EYS: variants seen among roughly 807,000 people sequenced by gnomAD.
EYS encodes protein eyes shut homolog.
Under a neutral mutation model 282.1 loss-of-function variants are expected in EYS, and 250 were observed. The observed-to-expected ratio is 0.89, with a 90% CI of 0.80 to 0.98. The LOEUF (loss-of-function observed/expected upper bound fraction) is 0.98, where lower values mean the gene tolerates loss of function less well. Ranked by LOEUF, EYS falls within the 50% of genes least tolerant of loss-of-function variation. EYS has a pLI of 0.00. For missense variants in EYS, 4,016 were observed against 3,709.0 expected, an observed-to-expected ratio of 1.08 and a Z score of -2.15; for synonymous variants, 1,355 against 1,282.9, an observed-to-expected ratio of 1.06 and a Z score of -1.20.
At chr6:63,953,177 TG>T (rs1234080232) in intron 35 of EYS, among the ~76,000 whole-genome samples, 1 of 152,198 alleles carries the variant, frequency 6.6e-6, no homozygotes, top group African/African-American at 2.4e-5. Context: ...AGCCTGTTTT[TG>T]CTTTTACCTG....
intron 22 of EYS, among the ~76,000 whole-genome samples, chr6:64,705,694 G>A (rs2149929040): frequency 6.6e-6 from 1 of 151,560 alleles, no homozygotes; most frequent in Middle Eastern, 3.4e-3. Context: ...GGATGAAATT[G>A]GAAATCGTCA....
intron 35 of EYS, among the ~76,000 whole-genome samples, chr6:63,924,904 T>C (rs1764673278): frequency 6.6e-6 from 1 of 152,202 alleles, no homozygotes; most frequent in Non-Finnish European, 1.5e-5. Context: ...TGTTTGTTGG[T>C]GAATTCTGCC....
chr6:65,208,902 C>G (rs535886), intron 12 of EYS, among the ~76,000 whole-genome samples: 2 of 151,728 alleles, frequency 1.3e-5, no homozygotes, highest in African/African-American at 4.8e-5. Context: ...GCAATACATT[C>G]AAGTCACAAA....
In EYS at chr6:64,395,054, G is replaced by A. The variant is rs1773311547; in HGVS notation, c.5928-6214C>T. 2.0e-5 allele frequency among the ~76,000 whole-genome samples: 3 copies of A among 152,216 alleles called. No individual in the cohort carries two copies. In the South Asian group the frequency reaches 6.2e-4, roughly 31 times the overall value. On this transcript the variant is annotated intron_variant, in intron 28 of 42. Coordinates refer to ENST00000503581, the MANE Select transcript of EYS (RefSeq NM_001142800.2). ...AAATGCTCATCATCACTGGCCATCA[G>A]AGAGATGCAAATCAAAACCATGATG...
intron 35 of EYS, among the ~76,000 whole-genome samples, chr6:63,918,589 T>G (rs1562095615): frequency 6.6e-6 from 1 of 152,144 alleles, no homozygotes; most frequent in Non-Finnish European, 1.5e-5. Context: ...AGCCTGGTCA[T>G]GCAGTATCAG....
In EYS at chr6:64,074,855, G is replaced by A. The variant is rs553386704; in HGVS notation, c.6571+7001C>T. Among the ~76,000 whole-genome samples, 25 of 151,956 alleles carry A rather than the reference G, an allele frequency of 1.6e-4. 1 individual carries two copies. In the South Asian group the frequency reaches 4.4e-3, roughly 26 times the overall value. On this transcript the variant is annotated intron_variant, in intron 32 of 42. Coordinates refer to ENST00000503581, the MANE Select transcript of EYS (RefSeq NM_001142800.2). ...AGATATACATTTCAAACCTTGTGAA[G>A]TTTGATAATATAAACATACCTGCAT...
intron 15 of EYS, among the ~76,000 whole-genome samples, chr6:64,936,946 G>A (rs371153380): frequency 5.1e-4 from 77 of 151,354 alleles, no homozygotes; most frequent in Non-Finnish European, 9.3e-4. Flanking sequence ...ACAATAAGAG[G>A]GTGTGGTATT....
intron 31 of EYS, among the ~76,000 whole-genome samples, chr6:64,098,236 A>G (rs1471709484): frequency 1.3e-5 from 2 of 152,200 alleles, no homozygotes; most frequent in South Asian, 2.1e-4. Flanking sequence ...TATATTTTGT[A>G]CTATAAAATA....
intron 36 of EYS, among the ~76,000 whole-genome samples, chr6:63,848,110 A>T (rs1772146842): frequency 6.6e-6 from 1 of 152,120 alleles, no homozygotes; most frequent in African/African-American, 2.4e-5. Context: ...CTGTTTGAGA[A>T]TGCCCACCAT....
chr6:64,450,024 A>C (rs1050632353), intron 26 of EYS, among the ~76,000 whole-genome samples: 12 of 152,188 alleles, frequency 7.9e-5, no homozygotes, highest in Non-Finnish European at 1.2e-4. Context: ...CTTAAATGTA[A>C]ATGGGATAAA....
At chr6:64,364,651 G>A (rs1686508999) in intron 29 of EYS, among the ~76,000 whole-genome samples, 1 of 151,602 alleles carries the variant, frequency 6.6e-6, no homozygotes, top group Non-Finnish European at 1.5e-5. Context: ...CCCAAATTAA[G>A]TGGATCTTGG....
chr6:64,477,437 C>A (rs974890934), intron 26 of EYS, among the ~76,000 whole-genome samples: 28 of 152,172 alleles, frequency 1.8e-4, no homozygotes, highest in African/African-American at 6.7e-4. Flanking sequence ...ATACTCACTT[C>A]AAACTCATGT....
intron 12 of EYS, among the ~76,000 whole-genome samples, chr6:65,155,678 A>G (rs1025258071): frequency 1.3e-5 from 2 of 151,590 alleles, no homozygotes; most frequent in Non-Finnish European, 3.0e-5. Flanking sequence ...TTTTAGTGAC[A>G]GCACTCAATA....
chr6:64,855,724 T>C (rs1303982783), intron 19 of EYS, among the ~76,000 whole-genome samples: 1 of 152,160 alleles, frequency 6.6e-6, no homozygotes, highest in Non-Finnish European at 1.5e-5. Context: ...TCCACCATTC[T>C]AGTATCATAG....
At chr6:64,893,571 A>G (rs569580433) in intron 18 of EYS, among the ~76,000 whole-genome samples, 23 of 152,156 alleles carry the variant, frequency 1.5e-4, no homozygotes, top group Non-Finnish European at 2.9e-4. Flanking sequence ...AGATAAGACA[A>G]TCAAATGTGA....
At chr6:64,097,321 C>A (rs1403640938) in intron 31 of EYS, among the ~76,000 whole-genome samples, 1 of 152,186 alleles carries the variant, frequency 6.6e-6, no homozygotes, top group African/African-American at 2.4e-5. Flanking sequence ...TTTCTGCTGC[C>A]TTTTGTTTAG....
intron 35 of EYS, among the ~76,000 whole-genome samples, chr6:63,877,753 G>C (rs1363387947): frequency 6.6e-6 from 1 of 151,996 alleles, no homozygotes; most frequent in East Asian, 1.9e-4. Context: ...TCTTCCACTT[G>C]ATCAAATCGG....
chr6:64,404,112 TA>T (rs1392425130), intron 28 of EYS, among the ~76,000 whole-genome samples: 2 of 152,164 alleles, frequency 1.3e-5, no homozygotes, highest in African/African-American at 4.8e-5. Flanking sequence ...GTCACATAAT[TA>T]AGTTTGATAA....
At chr6:64,065,005 T>C (rs1274689263) in intron 33 of EYS, among the ~76,000 whole-genome samples, 1 of 152,318 alleles carries the variant, frequency 6.6e-6, no homozygotes, top group East Asian at 1.9e-4. Flanking sequence ...ATGATTTCAT[T>C]ACCTTAGAGT....
Sources: gnomAD v4.1 joint callset for allele counts (sites outside exome capture counted in the v4.1 genomes callset) on GRCh38, gnomAD v4.1.1 for gene constraint, MANE v1.5 for transcripts, NCBI Gene and HGNC (gene_info 2026-07-23, HGNC 2026-07-21) for gene names.